DOK6: variants seen among roughly 807,000 people sequenced by gnomAD.
DOK6 encodes docking protein 6, also known as downstream of tyrosine kinase 6.
A neutral mutation model predicts 44.0 loss-of-function variants in DOK6; 22 were observed. That is an observed-to-expected ratio of 0.50 (90% confidence interval 0.36 to 0.71). DOK6 has a LOEUF of 0.71. Ranked by LOEUF, DOK6 falls within the 30% of genes least tolerant of loss-of-function variation. The pLI, the probability that DOK6 is intolerant of heterozygous loss-of-function variation, is 0.00. For missense variants in DOK6, 340 were observed against 416.4 expected, an observed-to-expected ratio of 0.82 and a Z score of 1.60; for synonymous variants, 166 against 145.5, an observed-to-expected ratio of 1.14 and a Z score of -1.01.
chr18:69,592,606 G>A (rs920330924), intron 2 of DOK6, among the ~76,000 whole-genome samples: 9 of 152,026 alleles, frequency 5.9e-5, no homozygotes, highest in Non-Finnish European at 7.4e-5. Flanking sequence ...ATCATGGAAC[G>A]TATTGATTTG....
At chr18:69,813,675 T>C (rs1439154127) in intron 7 of DOK6, among the ~76,000 whole-genome samples, 1 of 152,050 alleles carries the variant, frequency 6.6e-6, no homozygotes, top group Non-Finnish European at 1.5e-5. Flanking sequence ...AGGAAAGCTT[T>C]GTCTTTAAAA....
chr18:69,595,727 A>G (rs1983725106), intron 2 of DOK6, among the ~76,000 whole-genome samples: 1 of 152,130 alleles, frequency 6.6e-6, no homozygotes, highest in South Asian at 2.1e-4. Context: ...TTACAACAAA[A>G]GTTGATGAGT....
At chr18:69,793,992 T>C (rs547127144) in intron 7 of DOK6, among the ~76,000 whole-genome samples, 1 of 152,304 alleles carries the variant, frequency 6.6e-6, no homozygotes, top group Admixed American at 6.5e-5. Flanking sequence ...CCTCTTCCTA[T>C]TTATTTTTAT....
chr18:69,486,729 GT>G (rs1329904053), intron 1 of DOK6, among the ~76,000 whole-genome samples: 2 of 152,104 alleles, frequency 1.3e-5, no homozygotes, highest in African/African-American at 2.4e-5. Context: ...CTCTGGGCTA[GT>G]TTTTTATTCA....
At position 69,620,473 on chromosome 18, in the gene DOK6, A is replaced by T. The variant is rs964785890; in HGVS notation, c.289+20975A>T. ...TTAAGCATTTAGTATGATGAATTAT[A>T]TCAATATGAACACATTTCCTGATAT... On this transcript the variant is annotated intron_variant, in intron 3 of 7. Coordinates refer to ENST00000382713, the MANE Select transcript of DOK6 (RefSeq NM_152721.6). Among the ~76,000 whole-genome samples, 3 of 152,310 alleles carry T rather than the reference A, an allele frequency of 2.0e-5. No individual in the cohort carries two copies. In the East Asian group the frequency reaches 5.8e-4, roughly 29 times the overall value.
chr18:69,775,724 C>CTGT (rs1389853161), intron 7 of DOK6, among the ~76,000 whole-genome samples: 6 of 151,466 alleles, frequency 4.0e-5, no homozygotes, highest in Admixed American at 2.6e-4. Flanking sequence ...TTACATTTGC[C>CTGT]TGTTATAAAA....
At chr18:69,634,557 A>G (rs558591651) in intron 3 of DOK6, among the ~76,000 whole-genome samples, 1 of 152,210 alleles carries the variant, frequency 6.6e-6, no homozygotes, top group African/African-American at 2.4e-5. Context: ...TTTTCTGTGA[A>G]TTGAATACTG....
At chr18:69,491,532 G>T (rs1980733608) in intron 1 of DOK6, among the ~76,000 whole-genome samples, 1 of 152,306 alleles carries the variant, frequency 6.6e-6, no homozygotes, top group South Asian at 2.1e-4. Context: ...GGCTAAATTT[G>T]AGATTCTGAA....
At chr18:69,421,882 C>T (rs1396028832) in intron 1 of DOK6, among the ~76,000 whole-genome samples, 1 of 37,552 alleles carries the variant, frequency 2.7e-5, no homozygotes, top group East Asian at 1.5e-3. Flanking sequence ...CCAGCTTCCT[C>T]ACCTGGAGAA....
intron 1 of DOK6, chr18:69,483,898 T>G (rs1980500996): frequency 6.6e-6 from 1 of 152,074 alleles, no homozygotes; most frequent in Admixed American, 6.6e-5. Context: ...ATTAATATAA[T>G]TTTTCCATCC....
At chr18:69,516,900 T>C (rs1207950444) in intron 1 of DOK6, among the ~76,000 whole-genome samples, 1 of 151,682 alleles carries the variant, frequency 6.6e-6, no homozygotes, top group Admixed American at 6.6e-5. Flanking sequence ...CAGGCTAGTC[T>C]TAAACTCCTA....
intron 6 of DOK6, among the ~76,000 whole-genome samples, chr18:69,748,219 T>C (rs891772316): frequency 9.2e-5 from 14 of 152,112 alleles, no homozygotes; most frequent in Non-Finnish European, 2.9e-5. Context: ...ACGCACCCAA[T>C]ACAGGGCACC....
At chr18:69,693,351 A>G (rs1218866661) in intron 4 of DOK6, among the ~76,000 whole-genome samples, 2 of 151,208 alleles carry the variant, frequency 1.3e-5, no homozygotes, top group Non-Finnish European at 1.5e-5. Flanking sequence ...GGCTTCCAGT[A>G]GACATTTTTC....
At chr18:69,416,827 A>G (rs1228190764) in intron 1 of DOK6, among the ~76,000 whole-genome samples, 1 of 152,182 alleles carries the variant, frequency 6.6e-6, no homozygotes, top group African/African-American at 2.4e-5. Context: ...AGTTGTGTAT[A>G]TAATCCTGGC....
rs117559176 is a variant in DOK6 at position 69,819,688 on chromosome 18, C to T, written c.857-21556C>T. On this transcript the variant is annotated intron_variant, in intron 7 of 7. Transcript: ENST00000382713. ...CTTCCCACTTCCTCCTGCCCGTAGACCTTGAAAAGCATCATTTTACCCTGT... is the reference window on the plus strand; with the variant it reads ...CTTCCCACTTCCTCCTGCCCGTAGATCTTGAAAAGCATCATTTTACCCTGT... Among the ~76,000 whole-genome samples the T allele has an allele frequency of 3.5e-4, 53 of 152,234 alleles. 1 individual carries two copies. In the East Asian group the frequency reaches 9.8e-3, roughly 28 times the overall value.
At chr18:69,514,715 G>T (rs1375914020) in intron 1 of DOK6, among the ~76,000 whole-genome samples, 7 of 149,144 alleles carry the variant, frequency 4.7e-5, no homozygotes, top group Non-Finnish European at 8.9e-5. Flanking sequence ...TAGGTTTTTT[G>T]TTTTTTTTTA....
At chr18:69,432,600 G>A (rs184155349) in intron 1 of DOK6, among the ~76,000 whole-genome samples, 150 of 152,270 alleles carry the variant, frequency 9.9e-4, no homozygotes, top group Admixed American at 8.8e-3. Flanking sequence ...GCATATTTCT[G>A]TATTTCAACA....
rs938966038 is a variant in DOK6 at position 69,546,920 on chromosome 18, G to A, written c.67-17567G>A. The stretch of plus-strand genomic sequence containing the variant: ...AGACTGGGTAATTCATAAGAAGGAG[G>A]TTTAATTTGCTCACGGTTCTTCAGG... On this transcript the variant is annotated intron_variant, in intron 1 of 7. Transcript: ENST00000382713. 3.9e-4 allele frequency among the ~76,000 whole-genome samples: 59 copies of A among 151,644 alleles called. 3 individuals are homozygous for A. The highest frequency in any genetic ancestry group is 1.6e-3 in the Admixed American group (24 of 15,212).
intron 1 of DOK6, among the ~76,000 whole-genome samples, chr18:69,499,953 C>T (rs1210849547): frequency 1.3e-5 from 2 of 152,124 alleles, no homozygotes; most frequent in African/African-American, 4.8e-5. Context: ...CAACCATTTG[C>T]CCAAGCCACT....
Sources: allele counts gnomAD v4.1 joint callset (sites outside exome capture counted in the v4.1 genomes callset), GRCh38; gene constraint gnomAD v4.1.1; transcripts MANE v1.5; gene names NCBI Gene and HGNC (gene_info 2026-07-23, HGNC 2026-07-21).